The following SVEP1 variants were observed in gnomAD, a reference collection of about 807,000 sequenced individuals.
SVEP1 encodes sushi, von Willebrand factor type A, EGF and pentraxin domain containing 1.
Under a neutral mutation model 367.3 loss-of-function variants are expected in SVEP1, and 164 were observed. The observed-to-expected ratio is 0.45, with a 90% CI of 0.39 to 0.51. The LOEUF (loss-of-function observed/expected upper bound fraction) is 0.51. SVEP1 is among the 20% of genes least tolerant of loss of function. The pLI is 0.00. For synonymous variants in SVEP1, 1,666 were observed against 1,611.6 expected, an observed-to-expected ratio of 1.03 and a Z score of -0.81; for missense variants, 4,117 against 4,425.3, an observed-to-expected ratio of 0.93 and a Z score of 1.98.
intron 5 of SVEP1, among the ~76,000 whole-genome samples, chr9:110,508,362 A>C (rs1487044819): frequency 6.6e-6 from 1 of 152,202 alleles, no homozygotes; most frequent in Non-Finnish European, 1.5e-5. Context: ...AAAATAAAAT[A>C]AATCTGATGT....
chr9:110,511,488 C>CTTTTTTTTTTGTTTTTTTTTTTTT (rs1829711442), intron 5 of SVEP1, among the ~76,000 whole-genome samples: 1 of 77,554 alleles, frequency 1.3e-5, no homozygotes, highest in Non-Finnish European at 2.8e-5. Flanking sequence ...GTGTCAGTAC[C>CTTTTTTTTTTGTTTTTTTTTTTTT]TTTTTTTTTT....
chr9:110,429,017 T>G, intron 35 of SVEP1, 126 bp downstream of exon 35: 3 of 759,144 alleles, frequency 4.0e-6, no homozygotes, highest in Non-Finnish European at 6.0e-6. Context: ...TGCAGTGAGC[T>G]GAGATTGCGC....
At chr9:110,524,006 A>G (rs1829910504) in intron 3 of SVEP1, among the ~76,000 whole-genome samples, 1 of 152,156 alleles carries the variant, frequency 6.6e-6, no homozygotes, top group Admixed American at 6.6e-5. Context: ...GGACATGGAA[A>G]AGATACTATA....
chr9:110,388,946 G>A (rs935846423), intron 41 of SVEP1, among the ~76,000 whole-genome samples: 38 of 152,260 alleles, frequency 2.5e-4, no homozygotes, highest in African/African-American at 8.7e-4. Flanking sequence ...TCCACCCTGG[G>A]TGACAGAGTG....
At chr9:110,402,754 C>T (rs1220170512) in intron 39 of SVEP1, among the ~76,000 whole-genome samples, 1 of 152,134 alleles carries the variant, frequency 6.6e-6, no homozygotes, top group African/African-American at 2.4e-5. Context: ...ACAAAGTTTC[C>T]TCTAAAACTT....
chr9:110,435,800 C>T (rs1311268557), intron 28 of SVEP1, among the ~76,000 whole-genome samples: 1 of 152,130 alleles, frequency 6.6e-6, no homozygotes, highest in Admixed American at 6.5e-5. Flanking sequence ...AATAATACCA[C>T]AAATGTATAT....
In SVEP1 at chr9:110,385,897, C is replaced by T; in HGVS notation, c.10237+1G>A. On this transcript the variant is annotated splice_donor_variant, in intron 43 of 47. Coordinates refer to ENST00000374469, the MANE Select transcript of SVEP1 (RefSeq NM_153366.4). LOFTEE classifies it high-confidence loss of function. The stretch of plus-strand genomic sequence containing the variant: ...GAACTGGCTTCCGCCTGCTGACTTA[C>T]TTTCACATTTGGCGCTTGTCTGTGT... 1.9e-6 allele frequency: 3 copies of T among 1,611,492 alleles called. No individual in the cohort carries two copies. Among genetic ancestry groups the T allele is most frequent in the Non-Finnish European group, 2.5e-6 (3 of 1,178,798 alleles).
chr9:110,444,497 C>T (rs978761051), intron 26 of SVEP1, among the ~76,000 whole-genome samples: 3 of 152,136 alleles, frequency 2.0e-5, no homozygotes, highest in African/African-American at 7.2e-5. Flanking sequence ...GACAGTTGCT[C>T]ATGTAGTCAT....
At chr9:110,546,375 G>T in intron 2 of SVEP1, 84 bp from the exon 3 acceptor site, 1 of 1,416,072 alleles carries the variant, frequency 7.1e-7, no homozygotes, top group South Asian at 1.4e-5. Context: ...TTAAGTGCAA[G>T]CTGGAGAAAA....
chr9:110,517,082 A>T (rs1472804857), intron 3 of SVEP1, among the ~76,000 whole-genome samples: 1 of 152,202 alleles, frequency 6.6e-6, no homozygotes, highest in Non-Finnish European at 1.5e-5. Flanking sequence ...ATGAACCCCA[A>T]GTTTTATTAT....
rs1827341398 is a variant in SVEP1 at position 110,375,656 on chromosome 9, A to G, written c.10505-193T>C. 3.3e-5 allele frequency among the ~76,000 whole-genome samples: 5 copies of G among 152,264 alleles called. No individual in the cohort carries two copies. In the South Asian group the frequency reaches 1.0e-3, roughly 32 times the overall value. ...TATCATTGGGAAAATACAATCAGGA[A>G]AGTAAGCCTGGATTCTTAGCCACAT... On this transcript the variant is annotated intron_variant, in intron 45 of 47. Coordinates refer to ENST00000374469, the MANE Select transcript of SVEP1 (RefSeq NM_153366.4).
At chr9:110,441,180 C>T (rs1828504789) in intron 27 of SVEP1, among the ~76,000 whole-genome samples, 1 of 152,080 alleles carries the variant, frequency 6.6e-6, no homozygotes, top group African/African-American at 2.4e-5. Flanking sequence ...GGATGATAGA[C>T]CACGTTTTAA....
intron 17 of SVEP1, 98 bp from the exon 18 acceptor site, chr9:110,466,124 A>G: frequency 2.3e-6 from 3 of 1,292,922 alleles, no homozygotes; most frequent in Non-Finnish European, 3.1e-6. Flanking sequence ...AGTTTAGGAC[A>G]GAAGGACAGA....
rs1188746896 is a variant in SVEP1 at position 110,579,010 on chromosome 9, T to C, written c.531+3A>G. 1.3e-6 allele frequency: 2 copies of C among 1,544,734 alleles called. No individual in the cohort carries two copies. The highest frequency in any genetic ancestry group is 1.7e-6 in the Non-Finnish European group (2 of 1,146,212). On this transcript the variant is annotated splice_donor_region_variant and intron_variant, in intron 1 of 47. Coordinates refer to ENST00000374469, the MANE Select transcript of SVEP1 (RefSeq NM_153366.4). This position sits in a 1 kb window ranked among gnomAD's most constrained non-coding sequence, Gnocchi z 5.3. ...CCCGGGTCGGGAGGGGCGGGCGCCTTACCGCGGCTTGCTGGAAGGCGCCCT... is the reference window on the plus strand; with the variant it reads ...CCCGGGTCGGGAGGGGCGGGCGCCTCACCGCGGCTTGCTGGAAGGCGCCCT...
intron 43 of SVEP1, among the ~76,000 whole-genome samples, chr9:110,380,728 T>C (rs1827421243): frequency 6.6e-6 from 1 of 152,222 alleles, no homozygotes; most frequent in African/African-American, 2.4e-5. Context: ...GAGGAGTCCC[T>C]CCTTTTCAAT....
At chr9:110,416,023 C>T (rs1023056974) in intron 36 of SVEP1, among the ~76,000 whole-genome samples, 5 of 151,854 alleles carry the variant, frequency 3.3e-5, no homozygotes, top group Admixed American at 2.6e-4. Flanking sequence ...AGGTTCTTGG[C>T]TGGTGATACT....
intron 1 of SVEP1, among the ~76,000 whole-genome samples, chr9:110,563,435 G>C (rs1830454557): frequency 6.6e-6 from 1 of 152,082 alleles, no homozygotes; most frequent in African/African-American, 2.4e-5. Context: ...TTATTTTAGA[G>C]AAACATGCAA....
chr9:110,574,109 T>G (rs1830598698), intron 1 of SVEP1, among the ~76,000 whole-genome samples: 1 of 152,224 alleles, frequency 6.6e-6, no homozygotes, highest in Non-Finnish European at 1.5e-5. Context: ...TAATCCTTTT[T>G]GTTTGGTCAG....
intron 22 of SVEP1, among the ~76,000 whole-genome samples, chr9:110,451,749 A>G (rs1030860313): frequency 6.6e-6 from 1 of 152,152 alleles, no homozygotes; most frequent in Non-Finnish European, 1.5e-5. Context: ...TTAAGTGGTA[A>G]CAGTTACAGC....
Sources: gnomAD v4.1 joint callset for allele counts (sites outside exome capture counted in the v4.1 genomes callset) on GRCh38, gnomAD v4.1.1 for gene constraint, Gnocchi (gnomAD v3.1) non-coding constraint, MANE v1.5 for transcripts, NCBI Gene and HGNC (gene_info 2026-07-23, HGNC 2026-07-21) for gene names.